The following CFAP65 variants were observed in gnomAD, a reference collection of about 807,000 sequenced individuals.
CFAP65 encodes the protein cilia and flagella associated protein 65, also known as cilia- and flagella-associated protein 65.
In CFAP65, 155 loss-of-function variants were observed where a neutral mutation model predicts 208.0. The ratio of observed to expected loss-of-function variants is 0.75; its 90% CI spans 0.65 to 0.85. The LOEUF (loss-of-function observed/expected upper bound fraction) is 0.85. CFAP65 is among the 40% of genes least tolerant of loss of function. The probability of loss-of-function intolerance (pLI) is 0.00; values close to 1 mark genes in which losing one functional copy is unlikely to be tolerated. For synonymous variants in CFAP65, 970 were observed against 986.3 expected (o/e 0.98, Z 0.31); for missense variants, 2,294 against 2,451.3 (o/e 0.94, Z 1.36).
chr2:219,011,144 C>T (rs1053182275), intron 24 of CFAP65, 148 bp from the exon 25 acceptor site: 13 of 602,574 alleles, frequency 2.2e-5, no homozygotes, highest in Middle Eastern at 4.5e-4. Flanking sequence ...CTTGATCACT[C>T]GAGAAGTATG....
At position 219,006,137 on chromosome 2, in the gene CFAP65, G is replaced by C. The variant is rs1054003962; in HGVS notation, c.4806C>G (p.Pro1602=). The stretch of plus-strand genomic sequence containing the variant: ...TGCCTGGCGAGGGTGGCTGGGGGCA[G>C]GGCCAGGACACCTCCTCCTTTGGGG... ...LQTPKEEVSW[P]CPQPPSPGML... Residue 1602 remains proline, a synonymous_variant, in exon 31 of 35, where the codon CCC becomes CCG. Transcript: ENST00000341552. 1 of 1,613,772 alleles carries C rather than the reference G, an allele frequency of 6.2e-7. No individual in the cohort carries two copies. The highest frequency in any genetic ancestry group is 8.5e-7 in the Non-Finnish European group (1 of 1,180,016).
chr2:219,028,483 A>T, intron 11 of CFAP65, 82 bp from the exon 12 acceptor site: 1 of 1,238,926 alleles, frequency 8.1e-7, no homozygotes, highest in Non-Finnish European at 1.2e-6. Context: ...TGAGGACAGA[A>T]GCTGGGCAGA....
chr2:219,031,047 G>T lies in CFAP65; in HGVS notation c.1015+59C>A. 2 of 1,525,166 alleles carry T rather than the reference G, an allele frequency of 1.3e-6. No individual in the cohort carries two copies. The highest frequency in any genetic ancestry group is 1.8e-6 in the Non-Finnish European group (2 of 1,128,250). 94.5% of individuals were successfully genotyped at this position (1,525,166 alleles called of 1,614,324 possible). A position where few individuals can be genotyped will look rare whatever the true frequency, so the allele number is the denominator to read the frequency against. ...TGGGAGGTGGGGGACACTGAGGCCT[G>T]GAGGACCCAGAAGGTGCAGGAGGGG... is the stretch of plus-strand genomic sequence containing the variant. On this transcript the variant is annotated intron_variant, in intron 8 of 34. Transcript: ENST00000341552. The surrounding 1 kb of genome is among the most constrained non-coding windows in gnomAD (Gnocchi z 5.2).
intron 30 of CFAP65, 35 bp downstream of exon 30, chr2:219,006,430 T>C: frequency 6.2e-7 from 1 of 1,612,964 alleles, no homozygotes; most frequent in East Asian, 2.2e-5. Flanking sequence ...TCCCAAGTTG[T>C]CCCAAGAAGA....
At chr2:219,027,148 T>G in intron 13 of CFAP65, 1 of 1,147,500 alleles carries the variant, frequency 8.7e-7, no homozygotes, top group Non-Finnish European at 1.1e-6. Flanking sequence ...GCACCACGCA[T>G]CTGGGGCCAG....
At chr2:219,027,528 G>C (rs1478480989) in intron 13 of CFAP65, 122 bp downstream of exon 13, 1 of 1,610,960 alleles carries the variant, frequency 6.2e-7, no homozygotes, top group Non-Finnish European at 8.5e-7. Flanking sequence ...CCAGCCAAGA[G>C]AAAGCCTGGC....
intron 13 of CFAP65, chr2:219,027,168 G>A: frequency 1.7e-6 from 2 of 1,209,676 alleles, no homozygotes; most frequent in Non-Finnish European, 2.1e-6. Flanking sequence ...GAACAGCAGG[G>A]CTGGGGACAG....
Position 219,031,044 on chromosome 2 carries a change from C to T in CFAP65, c.1015+62G>A. Reference sequence around the variant, plus strand: ...AGATGGGAGGTGGGGGACACTGAGGCCTGGAGGACCCAGAAGGTGCAGGAG... The same window carrying T: ...AGATGGGAGGTGGGGGACACTGAGGTCTGGAGGACCCAGAAGGTGCAGGAG... On this transcript the variant is annotated intron_variant, in intron 8 of 34. Transcript: ENST00000341552. This position sits in a 1 kb window ranked among gnomAD's most constrained non-coding sequence, Gnocchi z 5.2. 1.3e-6 allele frequency: 2 copies of T among 1,520,912 alleles called. No homozygotes were observed. The highest frequency in any genetic ancestry group is 1.8e-6 in the Non-Finnish European group (2 of 1,125,796). 94.2% of individuals were successfully genotyped at this position (1,520,912 alleles called of 1,614,324 possible). A position where few individuals can be genotyped will look rare whatever the true frequency, so the allele number is the denominator to read the frequency against.
chr2:219,013,848 G>GT lies in CFAP65; in HGVS notation c.3779+19dup, dbSNP rs763935557. The GT allele has an allele frequency of 6.4e-7, 1 of 1,563,924 alleles. No homozygotes were observed. Among genetic ancestry groups the GT allele is most frequent in the Non-Finnish European group, 8.7e-7 (1 of 1,152,938 alleles). On this transcript the variant is annotated intron_variant, in intron 22 of 34. Transcript: ENST00000341552. ...GCCTCTATGACTGGAAGTGCAGGGG[G>GT]TTTGGGGGGTGGGGAACACCTGTAT...
At position 219,035,470 on chromosome 2, in the gene CFAP65, A is replaced by G. The variant is rs1474418213; in HGVS notation, c.542+10T>C. 2 of 1,613,942 alleles carry G rather than the reference A, an allele frequency of 1.2e-6. No individual in the cohort carries two copies. Among genetic ancestry groups the G allele is most frequent in the African/African-American group, 2.7e-5 (2 of 74,880 alleles). On this transcript the variant is annotated intron_variant, in intron 5 of 34. Coordinates refer to ENST00000341552, the MANE Select transcript of CFAP65 (RefSeq NM_194302.4). ...TGTGGCACTGGGTCCTTGATCCCTT[A>G]TACTGGTACCTGTACTTCATCTTCT...
chr2:219,013,750 G>C (rs893780829), intron 22 of CFAP65, 118 bp downstream of exon 22: 15 of 1,167,410 alleles, frequency 1.3e-5, no homozygotes, highest in Middle Eastern at 4.0e-4. Context: ...CTCTGCAGGT[G>C]AGAAGGTGGT....
chr2:219,021,330 T>C (rs1276299606), intron 18 of CFAP65, 50 bp from the exon 19 acceptor site: 3 of 1,502,442 alleles, frequency 2.0e-6, no homozygotes, highest in Non-Finnish European at 2.7e-6. Flanking sequence ...GGCCCAGCCA[T>C]TCCTCCTGCT....
chr2:219,028,437 G>A, intron 11 of CFAP65, 36 bp from the exon 12 acceptor site: 3 of 1,585,836 alleles, frequency 1.9e-6, no homozygotes, highest in South Asian at 1.1e-5. Flanking sequence ...GGGCATGGGA[G>A]GGGTGGTAGG....
chr2:219,024,477 G>GAT (rs931303848), intron 14 of CFAP65, among the ~76,000 whole-genome samples: 1 of 125,976 alleles, frequency 7.9e-6, no homozygotes, highest in African/African-American at 3.5e-5. Context: ...GAAAGGGGCG[G>GAT]GGGGGGGGCA....
At position 219,021,200 on chromosome 2, in the gene CFAP65, G is replaced by A. The variant is rs151155794; in HGVS notation, c.3211C>T (p.Arg1071Trp). Residue 1071 changes from arginine (R) to tryptophan (W), a missense_variant, in exon 19 of 35, where the codon CGG becomes TGG. Physicochemically the swap from Arg to Trp is moderately radical, Grantham distance 101. Around this residue, in one of 2 missense-constraint regions of CFAP65, gnomAD observed 1,427 missense variants for 1,438.7 expected, o/e 0.99. Transcript: ENST00000341552. ...TICLTACPKQ[R>W]SQYSWTITYS... Reference sequence around the variant, plus strand: ...GTGATGGTCCAGGAGTACTGGGACCGCTGCTTGGGACAGGCAGTCAGGCAG... The same window carrying A: ...GTGATGGTCCAGGAGTACTGGGACCACTGCTTGGGACAGGCAGTCAGGCAG... 23 of 1,606,088 alleles carry A rather than the reference G, an allele frequency of 1.4e-5. No homozygotes were observed. Among genetic ancestry groups the A allele is most frequent in the East Asian group, 6.8e-5 (3 of 44,388 alleles).
chr2:219,022,868 C>T (rs1473929868), intron 16 of CFAP65, among the ~76,000 whole-genome samples: 1 of 152,250 alleles, frequency 6.6e-6, no homozygotes, highest in Non-Finnish European at 1.5e-5. Flanking sequence ...CCAAATCCAG[C>T]TGCTGCAACC....
At position 219,023,216 on chromosome 2, in the gene CFAP65, G is replaced by T. The variant is rs548193482; in HGVS notation, c.2811C>A (p.Asn937Lys). The T allele has an allele frequency of 2.5e-6, 4 of 1,611,614 alleles. No individual in the cohort carries two copies. In the Admixed American group the frequency reaches 6.7e-5, roughly 27 times the overall value. Residue 937 changes from asparagine (N) to lysine (K), a missense_variant, in exon 16 of 35, where the codon AAC becomes AAA. By Grantham distance (94) the Asn-to-Lys change is moderately conservative. Coordinates refer to ENST00000341552, the MANE Select transcript of CFAP65 (RefSeq NM_194302.4). ...GAGGGGAGCCACTCACAAGTCTCTC[G>T]TTGGGCTGGATTAGCCCCCTGGAGG... ...VQPSRGLIQP[N>K]ERLTLTWTFS...
Position 219,032,125 on chromosome 2 carries a change from C to T in CFAP65, c.645+345G>A, listed in dbSNP as rs1479263396. On this transcript the variant is annotated intron_variant, in intron 6 of 34. Coordinates refer to ENST00000341552, the MANE Select transcript of CFAP65 (RefSeq NM_194302.4). The surrounding 1 kb of genome is among the most constrained non-coding windows in gnomAD (Gnocchi z 5.5). ...TAGTAGAGGTGGGGTTTCGCCATGTCGGCCAGGCTGGTCTCGAACTCCTGG... is the reference window on the plus strand; with the variant it reads ...TAGTAGAGGTGGGGTTTCGCCATGTTGGCCAGGCTGGTCTCGAACTCCTGG... 2.0e-5 allele frequency among the ~76,000 whole-genome samples: 3 copies of T among 151,966 alleles called. No individual in the cohort carries two copies. The highest frequency in any genetic ancestry group is 7.2e-5 in the African/African-American group (3 of 41,386).
Position 219,031,839 on chromosome 2 carries a change from CT to C in CFAP65, c.646-182del, listed in dbSNP as rs1948063172. ...GTCTTGGTCTCAAACATTAGAGCCT[CT>C]TTTGTGGAAAAAGTATTTTGAGGAA... On this transcript the variant is annotated intron_variant, in intron 6 of 34. Transcript: ENST00000341552. This position sits in a 1 kb window ranked among gnomAD's most constrained non-coding sequence, Gnocchi z 5.2. Among the ~76,000 whole-genome samples, 1 of 151,520 alleles carries C rather than the reference CT, an allele frequency of 6.6e-6. No individual in the cohort carries two copies. The highest frequency in any genetic ancestry group is 1.9e-4 in the East Asian group (1 of 5,168).
Sources: gnomAD v4.1 joint callset for allele counts (sites outside exome capture counted in the v4.1 genomes callset) on GRCh38, gnomAD v4.1.1 for gene constraint, gnomAD v4.1.1 regional missense constraint, Gnocchi (gnomAD v3.1) non-coding constraint, MANE v1.5 for transcripts, NCBI Gene and HGNC (gene_info 2026-07-23, HGNC 2026-07-21) for gene names.